MORC1: variants seen among roughly 807,000 people sequenced by gnomAD.
MORC1 encodes the protein MORC family CW-type zinc finger 1.
In MORC1, 59 loss-of-function variants were observed where a neutral mutation model predicts 134.9. The observed-to-expected ratio is 0.44, with a 90% CI of 0.35 to 0.54. MORC1 has a LOEUF of 0.54. Among genes scored for constraint, MORC1 ranks in the 20% least tolerant of loss-of-function variants. The pLI is 0.00. For missense variants in MORC1, 947 were observed against 1,134.5 expected (o/e 0.83, Z 2.37); for synonymous variants, 395 against 391.7 (o/e 1.01, Z -0.10).
At chr3:109,071,016 G>A (rs188427187) in intron 8 of MORC1, among the ~76,000 whole-genome samples, 43 of 152,256 alleles carry the variant, frequency 2.8e-4, no homozygotes, top group Non-Finnish European at 5.3e-4. Context: ...AAGATAGGCT[G>A]TCTGTATTCG....
intron 14 of MORC1, among the ~76,000 whole-genome samples, chr3:109,043,571 A>T (rs1949612417): frequency 6.6e-6 from 1 of 152,160 alleles, no homozygotes; most frequent in African/African-American, 2.4e-5. Flanking sequence ...ATTTCATGTT[A>T]TATGTATTTC....
At chr3:109,096,653 T>C (rs774046642) in intron 6 of MORC1, among the ~76,000 whole-genome samples, 1 of 152,162 alleles carries the variant, frequency 6.6e-6, no homozygotes, top group Non-Finnish European at 1.5e-5. Flanking sequence ...AAGAAGTAAC[T>C]ATAAGTATAC....
At chr3:109,053,427 T>C (rs1256535503) in intron 14 of MORC1, among the ~76,000 whole-genome samples, 1 of 152,040 alleles carries the variant, frequency 6.6e-6, no homozygotes, top group Non-Finnish European at 1.5e-5. Context: ...ACATATGCCA[T>C]GGAATACTAC....
chr3:109,044,590 T>G (rs571613012), intron 14 of MORC1, among the ~76,000 whole-genome samples: 1 of 149,894 alleles, frequency 6.7e-6, no homozygotes, highest in Admixed American at 6.7e-5. Context: ...AATAATTTAC[T>G]GAAAATTTGC....
chr3:109,018,339 G>A (rs1948866335), intron 17 of MORC1, among the ~76,000 whole-genome samples: 1 of 152,052 alleles, frequency 6.6e-6, no homozygotes, highest in Non-Finnish European at 1.5e-5. Flanking sequence ...AGTGGAGAGG[G>A]CATGTGAAGA....
chr3:108,994,194 G>C (rs1471400203), intron 21 of MORC1, among the ~76,000 whole-genome samples: 1 of 148,572 alleles, frequency 6.7e-6, no homozygotes, highest in Non-Finnish European at 1.5e-5. Context: ...CTAGACACCA[G>C]AGGATACATG....
intron 17 of MORC1, among the ~76,000 whole-genome samples, chr3:109,010,848 G>C (rs901516614): frequency 6.6e-6 from 1 of 152,124 alleles, no homozygotes; most frequent in Non-Finnish European, 1.5e-5. Flanking sequence ...ACTCCTTCCT[G>C]TTACTAAGTA....
intron 21 of MORC1, among the ~76,000 whole-genome samples, chr3:108,992,331 C>A (rs1044072833): frequency 1.1e-4 from 16 of 152,116 alleles, no homozygotes; most frequent in African/African-American, 3.1e-4. Flanking sequence ...AAAGTTGTAT[C>A]CACAACTTTT....
intron 3 of MORC1, among the ~76,000 whole-genome samples, chr3:109,108,732 C>G (rs940639775): frequency 2.0e-5 from 3 of 151,912 alleles, no homozygotes; most frequent in Admixed American, 1.3e-4. Context: ...CCCGGCTCTA[C>G]TAAAAATACA....
intron 8 of MORC1, among the ~76,000 whole-genome samples, chr3:109,070,898 TCTTAAA>T (rs67233932): frequency 0.04 from 6,033 of 152,288 alleles, 250 homozygotes; most frequent in Middle Eastern, 0.11. Context: ...AAGGAAATTC[TCTTAAA>T]TAAGTCTTGA....
intron 17 of MORC1, 61 bp downstream of exon 17, chr3:109,027,690 C>A (rs898604000): frequency 6.3e-7 from 1 of 1,598,754 alleles, no homozygotes; most frequent in Non-Finnish European, 8.6e-7. Context: ...TCAATTTGCA[C>A]ATATGAAACC....
intron 6 of MORC1, among the ~76,000 whole-genome samples, chr3:109,097,976 G>C (rs1950857976): frequency 6.6e-6 from 1 of 151,084 alleles, no homozygotes; most frequent in Non-Finnish European, 1.5e-5. Flanking sequence ...TATAGTGGGA[G>C]GTTAATAGAT....
At chr3:109,076,303 T>C (rs2034315826) in intron 8 of MORC1, among the ~76,000 whole-genome samples, 1 of 152,090 alleles carries the variant, frequency 6.6e-6, no homozygotes, top group Admixed American at 6.6e-5. Context: ...CCAGGTAGAA[T>C]GGCAATCATT....
At chr3:108,965,555 T>C (rs1342622995) in intron 26 of MORC1, among the ~76,000 whole-genome samples, 1 of 152,146 alleles carries the variant, frequency 6.6e-6, no homozygotes, top group Non-Finnish European at 1.5e-5. Context: ...ATAATTATGG[T>C]AATGAGAATT....
intron 14 of MORC1, among the ~76,000 whole-genome samples, chr3:109,052,474 A>C (rs1471702329): frequency 2.0e-5 from 3 of 152,188 alleles, no homozygotes; most frequent in South Asian, 4.1e-4. Flanking sequence ...TGATAATATT[A>C]GTGCACAGAA....
intron 8 of MORC1, among the ~76,000 whole-genome samples, chr3:109,072,966 T>TACAC (rs60720692): frequency 1.0e-3 from 139 of 136,856 alleles, no homozygotes; most frequent in African/African-American, 4.6e-3. Flanking sequence ...CACACACACA[T>TACAC]ACACACACAC....
At chr3:109,096,151 C>T (rs1474189794) in intron 6 of MORC1, among the ~76,000 whole-genome samples, 1 of 152,074 alleles carries the variant, frequency 6.6e-6, no homozygotes, top group Non-Finnish European at 1.5e-5. Context: ...GAAAAAGAAA[C>T]ATTCAGAGAA....
chr3:108,980,011 C>T (rs1947669515), intron 23 of MORC1, among the ~76,000 whole-genome samples: 1 of 152,062 alleles, frequency 6.6e-6, no homozygotes, highest in South Asian at 2.1e-4. Context: ...TTGTAAGCCT[C>T]ATGGTAACCA....
At chr3:108,988,457 T>G (rs1282586038) in intron 21 of MORC1, among the ~76,000 whole-genome samples, 1 of 152,226 alleles carries the variant, frequency 6.6e-6, no homozygotes, top group East Asian at 1.9e-4. Context: ...GTGTATGTTT[T>G]ATTTACTTCT....
Sources: allele counts gnomAD v4.1 joint callset (sites outside exome capture counted in the v4.1 genomes callset), GRCh38; gene constraint gnomAD v4.1.1; transcripts MANE v1.5; gene names NCBI Gene and HGNC (gene_info 2026-07-23, HGNC 2026-07-21).